PPM1L: variants seen among roughly 807,000 people sequenced by gnomAD.
PPM1L encodes protein phosphatase, Mg2+/Mn2+ dependent 1L.
A neutral mutation model predicts 31.4 loss-of-function variants in PPM1L; 13 were observed. That is an observed-to-expected ratio of 0.41 (90% CI 0.27 to 0.66). The LOEUF (loss-of-function observed/expected upper bound fraction) is 0.66. PPM1L is among the 30% of genes least tolerant of loss of function. The pLI is 0.29. For missense variants in PPM1L, 326 were observed against 453.7 expected, an observed-to-expected ratio of 0.72 and a Z score of 2.56; for synonymous variants, 184 against 175.4, an observed-to-expected ratio of 1.05 and a Z score of -0.39.
intron 1 of PPM1L, among the ~76,000 whole-genome samples, chr3:160,935,874 T>G (rs1161196710): frequency 6.6e-6 from 1 of 152,210 alleles, no homozygotes; most frequent in African/African-American, 2.4e-5. Flanking sequence ...AACAATCCAG[T>G]AAAGCTGGCA....
chr3:160,929,787 C>T (rs1193697411), intron 1 of PPM1L, among the ~76,000 whole-genome samples: 3 of 152,236 alleles, frequency 2.0e-5, no homozygotes, highest in Non-Finnish European at 4.4e-5. Flanking sequence ...TTGTGGCTCG[C>T]ATCTGTCCAC....
chr3:161,009,092 T>A (rs1257119469), intron 2 of PPM1L, among the ~76,000 whole-genome samples: 1 of 152,186 alleles, frequency 6.6e-6, no homozygotes, highest in South Asian at 2.1e-4. Context: ...GGGAGATAAT[T>A]GTTTTCTCAG....
chr3:160,997,449 G>C (rs1397312433), intron 2 of PPM1L, among the ~76,000 whole-genome samples: 1 of 152,228 alleles, frequency 6.6e-6, no homozygotes, highest in Admixed American at 6.5e-5. Context: ...AAGGGAGAAG[G>C]ATAACATTGT....
At chr3:160,961,533 A>G (rs1715963833) in intron 1 of PPM1L, among the ~76,000 whole-genome samples, 1 of 152,162 alleles carries the variant, frequency 6.6e-6, no homozygotes, top group Non-Finnish European at 1.5e-5. Context: ...CCTAGTAGAA[A>G]ACTCTTAGAG....
In PPM1L at chr3:160,756,676, T is replaced by C; in HGVS notation, c.368T>C (p.Ile123Thr). 1 of 1,613,918 alleles carries C rather than the reference T, an allele frequency of 6.2e-7. No homozygotes were observed. The highest frequency in any genetic ancestry group is 8.5e-7 in the Non-Finnish European group (1 of 1,179,980). ...TDLANKTHPS[I>T]FGIFDGHGGE... ...CTGGCCAACAAGACGCACCCGTCCA[T>C]CTTCGGGATCTTCGACGGGCACGGG... The change falls in exon 1 of 4, where the codon ATC (isoleucine) becomes ACC (threonine). Residue 123 changes from isoleucine (I) to threonine (T), a missense_variant. Around this residue, in one of 3 missense-constraint regions of PPM1L, gnomAD observed 201 missense variants for 298.2 expected, o/e 0.67. Coordinates refer to ENST00000498165, the MANE Select transcript of PPM1L (RefSeq NM_139245.4). The surrounding 1 kb of genome is among the most constrained non-coding windows in gnomAD (Gnocchi z 6.2).
chr3:160,846,106 A>G (rs527295006), intron 1 of PPM1L, among the ~76,000 whole-genome samples: 1 of 152,270 alleles, frequency 6.6e-6, no homozygotes, highest in East Asian at 1.9e-4. Context: ...GAAAATGGAA[A>G]GGTTTCTCAC....
chr3:161,040,557 T>A (rs553236681), intron 2 of PPM1L, among the ~76,000 whole-genome samples: 3 of 152,224 alleles, frequency 2.0e-5, no homozygotes, highest in Admixed American at 6.5e-5. Flanking sequence ...CTTTCTGCAG[T>A]GCTCTAATTG....
intron 2 of PPM1L, among the ~76,000 whole-genome samples, chr3:160,978,124 G>A (rs76399520): frequency 7.2e-4 from 110 of 152,320 alleles, no homozygotes; most frequent in African/African-American, 2.3e-3. Context: ...CTCATCTGAG[G>A]ACAAATGCTG....
chr3:160,992,891 A>G (rs1717181603), intron 2 of PPM1L, among the ~76,000 whole-genome samples: 2 of 152,148 alleles, frequency 1.3e-5, no homozygotes, highest in East Asian at 1.9e-4. Flanking sequence ...CATGGACCTC[A>G]TGGCTTGGAA....
chr3:161,011,658 G>A (rs1264807625), intron 2 of PPM1L, among the ~76,000 whole-genome samples: 3 of 152,188 alleles, frequency 2.0e-5, no homozygotes, highest in South Asian at 2.1e-4. Context: ...AGCATGGAAT[G>A]TTCTTCCATT....
At chr3:161,024,482 T>C (rs1462205504) in intron 2 of PPM1L, among the ~76,000 whole-genome samples, 1 of 152,032 alleles carries the variant, frequency 6.6e-6, no homozygotes, top group Non-Finnish European at 1.5e-5. Context: ...GCAGATCACC[T>C]GAGGTCGGGA....
chr3:160,921,657 C>T (rs927173688), intron 1 of PPM1L, among the ~76,000 whole-genome samples: 1 of 152,088 alleles, frequency 6.6e-6, no homozygotes, highest in Non-Finnish European at 1.5e-5. Context: ...TAAATCAAAT[C>T]TATAAATACA....
chr3:160,894,526 G>A (rs1713269006), intron 1 of PPM1L, among the ~76,000 whole-genome samples: 1 of 152,152 alleles, frequency 6.6e-6, no homozygotes, highest in Non-Finnish European at 1.5e-5. Context: ...TTTTAGGAAA[G>A]AAGGACTCCT....
At chr3:160,812,498 T>C (rs1018099216) in intron 1 of PPM1L, among the ~76,000 whole-genome samples, 5 of 152,210 alleles carry the variant, frequency 3.3e-5, no homozygotes, top group African/African-American at 1.2e-4. Flanking sequence ...GCGGGTGTGA[T>C]TTCAGAAATA....
chr3:160,788,214 A>G (rs368734208), intron 1 of PPM1L, among the ~76,000 whole-genome samples: 22 of 152,158 alleles, frequency 1.4e-4, no homozygotes, highest in East Asian at 1.2e-3. Flanking sequence ...CAGTATGACC[A>G]TTTTAATGAT....
At chr3:160,965,928 G>GAA (rs1296131868) in intron 2 of PPM1L, among the ~76,000 whole-genome samples, 1 of 151,780 alleles carries the variant, frequency 6.6e-6, no homozygotes, top group Admixed American at 6.6e-5. Flanking sequence ...AACAATTAAT[G>GAA]AAAAAAACAC....
chr3:161,022,906 C>T (rs188480477), intron 2 of PPM1L, among the ~76,000 whole-genome samples: 29 of 152,104 alleles, frequency 1.9e-4, no homozygotes, highest in Non-Finnish European at 3.1e-4. Flanking sequence ...CCTCATGATC[C>T]GCCTGCCTTG....
intron 1 of PPM1L, among the ~76,000 whole-genome samples, chr3:160,834,527 C>A (rs1302973461): frequency 6.8e-6 from 1 of 147,026 alleles, no homozygotes; most frequent in Non-Finnish European, 1.5e-5. Flanking sequence ...GTGTGTAGTT[C>A]CATCACCACA....
intron 1 of PPM1L, among the ~76,000 whole-genome samples, chr3:160,885,926 A>T: frequency 6.6e-6 from 1 of 152,122 alleles, no homozygotes; most frequent in Non-Finnish European, 1.5e-5. Context: ...CAGCACTGGG[A>T]CTCATAACTG....
Sources: allele counts gnomAD v4.1 joint callset (sites outside exome capture counted in the v4.1 genomes callset), GRCh38; gene constraint gnomAD v4.1.1; regional missense constraint gnomAD v4.1.1; non-coding constraint Gnocchi (gnomAD v3.1); transcripts MANE v1.5; gene names NCBI Gene and HGNC (gene_info 2026-07-23, HGNC 2026-07-21).